The following SMG6 variants were observed in gnomAD, a reference collection of about 807,000 sequenced individuals.
SMG6 encodes the protein SMG6 nonsense mediated mRNA decay factor.
A neutral mutation model predicts 142.2 loss-of-function variants in SMG6; 66 were observed. The observed-to-expected ratio is 0.46, with a 90% CI of 0.38 to 0.57. SMG6 has a LOEUF of 0.57. Ranked by LOEUF, SMG6 falls within the 20% of genes least tolerant of loss-of-function variation. SMG6 has a pLI of 0.00. For missense variants in SMG6, 1,793 were observed against 1,832.0 expected (o/e 0.98, Z 0.39); for synonymous variants, 779 against 702.4 (o/e 1.11, Z -1.72).
Position 2,065,682 on chromosome 17 carries a change from G to C in SMG6, c.3836-3C>G. The stretch of plus-strand genomic sequence containing the variant: ...CAGGCCGTCCAGCTCATTGATCACT[G>C]ATGAGATAGAGCCCCACAAGGTATC... On this transcript the variant is annotated splice_polypyrimidine_tract_variant and splice_region_variant and intron_variant, in intron 16 of 18. Coordinates refer to ENST00000263073, the MANE Select transcript of SMG6 (RefSeq NM_017575.5). The C allele has an allele frequency of 6.2e-7, 1 of 1,609,800 alleles. No individual in the cohort carries two copies. Among genetic ancestry groups the C allele is most frequent in the Non-Finnish European group, 8.5e-7 (1 of 1,178,426 alleles).
At chr17:2,065,902 T>C (rs757690495) in intron 16 of SMG6, 104 of 578,198 alleles carry the variant, frequency 1.8e-4, no homozygotes, top group Admixed American at 5.7e-4. Flanking sequence ...TCCTGGGCCC[T>C]GCCCTCCTCT....
At chr17:2,242,496 C>A (rs1235541203) in intron 9 of SMG6, among the ~76,000 whole-genome samples, 1 of 150,836 alleles carries the variant, frequency 6.6e-6, no homozygotes. Context: ...CGCCACTGCA[C>A]TCCAGCCTGG....
intron 8 of SMG6, among the ~76,000 whole-genome samples, chr17:2,253,159 T>TTTATTTATTTATTTATTTA (rs1567720216): frequency 9.1e-6 from 1 of 109,954 alleles, no homozygotes; most frequent in Non-Finnish European, 2.1e-5. Flanking sequence ...TTATTTATTT[T>TTTATTTATTTATTTATTTA]GAGATGGAGT....
intron 13 of SMG6, among the ~76,000 whole-genome samples, chr17:2,108,379 G>A (rs1028610835): frequency 2.0e-5 from 3 of 152,218 alleles, no homozygotes; most frequent in African/African-American, 7.2e-5. Flanking sequence ...GCCTTTGAAA[G>A]GCCGAGGCGG....
intron 14 of SMG6, 124 bp from the exon 15 acceptor site, chr17:2,082,080 G>A (rs2068441000): frequency 1.0e-6 from 1 of 991,870 alleles, no homozygotes; most frequent in East Asian, 2.5e-5. Flanking sequence ...CCTTGCAAAG[G>A]GTCCCCTGGT....
rs150772048 is a variant in SMG6 at position 2,117,570 on chromosome 17, T to C, written c.3358-31669A>G. 494 of 152,174 alleles carry C rather than the reference T, an allele frequency of 3.2e-3. 6 individuals carry two copies. Among genetic ancestry groups the C allele is most frequent in the African/African-American group, 9.5e-3 (394 of 41,506 alleles). 9.4% of individuals were successfully genotyped at this position (152,174 alleles called of 1,614,324 possible). On this transcript the variant is annotated intron_variant, in intron 13 of 18. Coordinates refer to ENST00000263073, the MANE Select transcript of SMG6 (RefSeq NM_017575.5). The stretch of plus-strand genomic sequence containing the variant: ...ATTTATAATGGCATAAAAAATAAAA[T>C]GTATTTAGGAATAAACTTAACAGAC...
At chr17:2,102,563 G>C (rs2069040718) in intron 13 of SMG6, among the ~76,000 whole-genome samples, 1 of 135,574 alleles carries the variant, frequency 7.4e-6, no homozygotes, top group Non-Finnish European at 1.5e-5. Flanking sequence ...TTAGAGATGA[G>C]GTCTCACTAT....
intron 15 of SMG6, among the ~76,000 whole-genome samples, chr17:2,074,191 C>T (rs559041431): frequency 1.1e-4 from 16 of 151,798 alleles, no homozygotes; most frequent in African/African-American, 3.6e-4. Context: ...ATCCTCCCGC[C>T]TCAGCCTCCT....
chr17:2,302,903 C>G (rs1224947797), intron 1 of SMG6: 29 of 943,590 alleles, frequency 3.1e-5, no homozygotes, highest in Non-Finnish European at 3.7e-5. Flanking sequence ...TCAACAAAAA[C>G]CAATTTCACA....
intron 10 of SMG6, among the ~76,000 whole-genome samples, chr17:2,206,078 G>A (rs1597598031): frequency 6.6e-6 from 1 of 152,016 alleles, no homozygotes; most frequent in South Asian, 2.1e-4. Context: ...CAAAGTGCTG[G>A]GATCATAGGC....
At chr17:2,120,318 T>C (rs923121412) in intron 13 of SMG6, among the ~76,000 whole-genome samples, 3 of 152,240 alleles carry the variant, frequency 2.0e-5, no homozygotes, top group African/African-American at 2.4e-5. Flanking sequence ...ACAAATTACT[T>C]ACATCCAGAA....
chr17:2,267,093 T>C (rs1348586717), intron 8 of SMG6, among the ~76,000 whole-genome samples: 1 of 152,094 alleles, frequency 6.6e-6, no homozygotes, highest in African/African-American at 2.4e-5. Flanking sequence ...GAGTGAAGAG[T>C]ACAGCCTGAG....
chr17:2,133,001 T>G (rs891116761), intron 13 of SMG6, among the ~76,000 whole-genome samples: 12 of 152,166 alleles, frequency 7.9e-5, no homozygotes, highest in Admixed American at 3.3e-4. Flanking sequence ...TCCCAGCACT[T>G]TGGGAGGCCA....
chr17:2,209,450 C>T (rs2072783629), intron 10 of SMG6, among the ~76,000 whole-genome samples: 1 of 152,178 alleles, frequency 6.6e-6, no homozygotes, highest in African/African-American at 2.4e-5. Flanking sequence ...GCAACCTCCA[C>T]CTCCCAGGTT....
chr17:2,125,662 A>G (rs2069849023), intron 13 of SMG6, among the ~76,000 whole-genome samples: 1 of 152,224 alleles, frequency 6.6e-6, no homozygotes, highest in African/African-American at 2.4e-5. Context: ...TAAAATTCAT[A>G]TGGAATCTAG....
intron 1 of SMG6, chr17:2,302,944 T>C: frequency 1.0e-6 from 1 of 985,126 alleles, no homozygotes; most frequent in Non-Finnish European, 1.2e-6. Flanking sequence ...AAGGCACCTA[T>C]CACAGCTACC....
At position 2,300,398 on chromosome 17, in the gene SMG6, C is replaced by T. The variant is rs2075253737; in HGVS notation, c.355G>A (p.Glu119Lys). The change falls in exon 2 of 19, where the codon GAA becomes AAA. Residue 119 changes from glutamate (E) to lysine (K), a missense_variant. By Grantham distance (56) the Glu-to-Lys change is moderately conservative (BLOSUM62 1). Around this residue, in one of 3 missense-constraint regions of SMG6, gnomAD observed 1,597 missense variants for 1,584.6 expected, o/e 1.01. Coordinates refer to ENST00000263073, the MANE Select transcript of SMG6 (RefSeq NM_017575.5). ...PIDPENNRGQ[E>K]SFPRTAGQED... ...TGTCCAGCAGTCCTAGGAAAGGATT[C>T]TTGTCCCCGATTATTTTCTGGGTCT... is the stretch of plus-strand genomic sequence containing the variant. The T allele has an allele frequency of 6.2e-7, 1 of 1,614,026 alleles. No homozygotes were observed. Among genetic ancestry groups the T allele is most frequent in the African/African-American group, 1.3e-5 (1 of 74,936 alleles).
At chr17:2,169,026 A>T (rs898928325) in intron 13 of SMG6, among the ~76,000 whole-genome samples, 1 of 151,148 alleles carries the variant, frequency 6.6e-6, no homozygotes, top group Non-Finnish European at 1.5e-5. Flanking sequence ...GATTACAGGC[A>T]TGAGCCACCA....
At chr17:2,137,724 A>C (rs2070350237) in intron 13 of SMG6, among the ~76,000 whole-genome samples, 2 of 152,100 alleles carry the variant, frequency 1.3e-5, no homozygotes, top group South Asian at 4.2e-4. Flanking sequence ...GGGAATTGAA[A>C]GTCTTTGGCT....
Sources: allele counts gnomAD v4.1 joint callset (sites outside exome capture counted in the v4.1 genomes callset), GRCh38; gene constraint gnomAD v4.1.1; regional missense constraint gnomAD v4.1.1; transcripts MANE v1.5; gene names NCBI Gene and HGNC (gene_info 2026-07-23, HGNC 2026-07-21).